ABCC1: variants seen among roughly 807,000 people sequenced by gnomAD.
ABCC1 encodes the protein multidrug resistance-associated protein 1.
A neutral mutation model predicts 172.9 loss-of-function variants in ABCC1; 83 were observed. The observed-to-expected ratio is 0.48, with a 90% CI of 0.40 to 0.58. ABCC1 has a LOEUF of 0.58. Among genes scored for constraint, ABCC1 ranks in the 20% least tolerant of loss-of-function variants. ABCC1 has a pLI of 0.00. For synonymous variants in ABCC1, 937 were observed against 825.2 expected, an observed-to-expected ratio of 1.14 and a Z score of -2.32; for missense variants, 1,817 against 2,002.7, an observed-to-expected ratio of 0.91 and a Z score of 1.77.
At position 16,141,201 on chromosome 16, in the gene ABCC1, C is replaced by G; in HGVS notation, c.4516C>G (p.Gln1506Glu). ...RVIVLDKGEIQEYGAPSDLLQ... is the reference protein window; with the variant it reads ...RVIVLDKGEIEEYGAPSDLLQ... ...GATCGTCTTGGACAAAGGAGAAATC[C>G]AGGAGTACGGCGCCCCATCGGACCT... The change falls in exon 31 of 31, where the codon CAG becomes GAG. Residue 1506 changes from glutamine (Q) to glutamate (E), a missense_variant. Physicochemically the swap from Gln to Glu is conservative, Grantham distance 29 (BLOSUM62 2). Around this residue, in one of 3 missense-constraint regions of ABCC1, gnomAD observed 1,412 missense variants for 1,600.3 expected, o/e 0.88. Coordinates refer to ENST00000399410, the MANE Select transcript of ABCC1 (RefSeq NM_004996.4). 2 of 1,613,908 alleles carry G rather than the reference C, an allele frequency of 1.2e-6. No homozygotes were observed. Among genetic ancestry groups the G allele is most frequent in the Non-Finnish European group, 1.7e-6 (2 of 1,179,934 alleles).
chr16:16,001,018 G>A (rs1347885959), intron 1 of ABCC1, among the ~76,000 whole-genome samples: 1 of 152,208 alleles, frequency 6.6e-6, no homozygotes, highest in Non-Finnish European at 1.5e-5. Context: ...AGGAACCACA[G>A]CCTTTCAGAA....
chr16:16,031,618 T>G (rs1310397892), intron 5 of ABCC1, among the ~76,000 whole-genome samples: 1 of 152,140 alleles, frequency 6.6e-6, no homozygotes, highest in Non-Finnish European at 1.5e-5. Context: ...TACCATGCTT[T>G]CTTCTACCAC....
At chr16:16,073,270 A>T (rs1004694938) in intron 14 of ABCC1, among the ~76,000 whole-genome samples, 3 of 152,094 alleles carry the variant, frequency 2.0e-5, no homozygotes, top group African/African-American at 7.2e-5. Context: ...TCAAAAGAAG[A>T]ACCAGCATTC....
chr16:16,044,663 C>T lies in ABCC1; in HGVS notation c.1023C>T (p.Ser341=), dbSNP rs547277763. The T allele has an allele frequency of 5.3e-5, 86 of 1,614,110 alleles. No homozygotes were observed. Among genetic ancestry groups the T allele is most frequent in the East Asian group, 2.2e-4 (10 of 44,872 alleles). ...CCATCCACGACCTGATGATGTTTTC[C>T]GGGCCGCAGATCTTAAAGTAAGACC... ...FKAIHDLMMF[S]GPQILKLLIK... The change falls in exon 8 of 31, where the codon TCC becomes TCT. Residue 341 remains serine, a synonymous_variant. Coordinates refer to ENST00000399410, the MANE Select transcript of ABCC1 (RefSeq NM_004996.4).
At chr16:16,121,509 C>T (rs2045156145) in intron 23 of ABCC1, among the ~76,000 whole-genome samples, 1 of 152,184 alleles carries the variant, frequency 6.6e-6, no homozygotes, top group Non-Finnish European at 1.5e-5. Flanking sequence ...CCAGAAAACC[C>T]TAGAGGTGAA....
At chr16:15,949,947 A>G (rs2151463211) in intron 1 of ABCC1, 148 bp downstream of exon 1, 2 of 642,094 alleles carry the variant, frequency 3.1e-6, no homozygotes, top group South Asian at 1.5e-4. Flanking sequence ...CCCGCGGCCC[A>G]GCCCCTTTCG....
intron 1 of ABCC1, among the ~76,000 whole-genome samples, chr16:15,981,440 C>T (rs2046618010): frequency 6.6e-6 from 1 of 152,182 alleles, no homozygotes; most frequent in African/African-American, 2.4e-5. Flanking sequence ...GTGGAGGTTC[C>T]CAAACCTTGA....
At chr16:16,105,024 G>T (rs1323082257) in intron 20 of ABCC1, among the ~76,000 whole-genome samples, 2 of 152,084 alleles carry the variant, frequency 1.3e-5, no homozygotes, top group Admixed American at 6.5e-5. Flanking sequence ...ACACCTCCCC[G>T]CAAGCTGAGG....
intron 7 of ABCC1, among the ~76,000 whole-genome samples, chr16:16,043,151 C>CAGGCA (rs1317816519): frequency 6.6e-6 from 1 of 151,108 alleles, no homozygotes; most frequent in East Asian, 1.9e-4. Context: ...GCATGAACCA[C>CAGGCA]TGCACCCAGT....
chr16:16,106,575 G>GA (rs1431777377), intron 20 of ABCC1, 163 bp from the exon 21 acceptor site: 29 of 764,450 alleles, frequency 3.8e-5, no homozygotes, highest in Non-Finnish European at 5.5e-5. Context: ...TGACATGGTG[G>GA]GGTGTGGTGC....
chr16:15,950,216 A>G (rs1333298552), intron 1 of ABCC1, among the ~76,000 whole-genome samples: 2 of 104,038 alleles, frequency 1.9e-5, no homozygotes, highest in Admixed American at 9.8e-5. Flanking sequence ...CCTTTTCACG[A>G]AAAATACTCC....
chr16:15,991,205 C>G (rs920811736), intron 1 of ABCC1, among the ~76,000 whole-genome samples: 1 of 151,666 alleles, frequency 6.6e-6, no homozygotes, highest in African/African-American at 2.4e-5. Context: ...GCGTCCAGCT[C>G]AAGGGAGTGG....
chr16:16,104,054 C>T (rs912381252), intron 20 of ABCC1, among the ~76,000 whole-genome samples: 12 of 151,752 alleles, frequency 7.9e-5, no homozygotes, highest in Admixed American at 5.9e-4. Flanking sequence ...TGGAGTCGTT[C>T]GTTCCTCCCG....
intron 11 of ABCC1, among the ~76,000 whole-genome samples, chr16:16,054,908 C>T (rs775982961): frequency 6.6e-6 from 1 of 152,186 alleles, no homozygotes; most frequent in Non-Finnish European, 1.5e-5. Flanking sequence ...GGAACCAGTG[C>T]TAGCCAGTAC....
intron 5 of ABCC1, among the ~76,000 whole-genome samples, chr16:16,029,457 A>G (rs1255190574): frequency 6.6e-6 from 1 of 152,110 alleles, no homozygotes; most frequent in African/African-American, 2.4e-5. Flanking sequence ...TCCTGAACTC[A>G]AAGCAGTTCT....
intron 18 of ABCC1, 116 bp from the exon 19 acceptor site, chr16:16,090,289 C>G (rs2051192245): frequency 8.8e-7 from 1 of 1,137,246 alleles, no homozygotes; most frequent in Non-Finnish European, 1.2e-6. Flanking sequence ...ACCTTCAGAC[C>G]TGAGTTTTGC....
At chr16:16,069,279 TG>T (rs1237093778) in intron 13 of ABCC1, among the ~76,000 whole-genome samples, 4 of 151,170 alleles carry the variant, frequency 2.6e-5, no homozygotes, top group Non-Finnish European at 5.9e-5. Flanking sequence ...AAGGCTGGGG[TG>T]GGAGGATCAG....
chr16:16,064,545 C>G (rs1196695715), intron 12 of ABCC1, among the ~76,000 whole-genome samples: 2 of 152,180 alleles, frequency 1.3e-5, no homozygotes, highest in African/African-American at 4.8e-5. Context: ...CTGTGTGTGC[C>G]CTGTGCTGCC....
chr16:16,040,925 G>GTATT (rs919801413), intron 7 of ABCC1, among the ~76,000 whole-genome samples: 1 of 151,906 alleles, frequency 6.6e-6, no homozygotes, highest in Non-Finnish European at 1.5e-5. Context: ...AGCCGCCATT[G>GTATT]TATTTATTTA....
Sources: gnomAD v4.1 joint callset for allele counts (sites outside exome capture counted in the v4.1 genomes callset) on GRCh38, gnomAD v4.1.1 for gene constraint, gnomAD v4.1.1 regional missense constraint, MANE v1.5 for transcripts, NCBI Gene and HGNC (gene_info 2026-07-23, HGNC 2026-07-21) for gene names.